Variants in CCDC13 observed in about 807,000 individuals in gnomAD.
CCDC13 encodes coiled-coil domain-containing protein 13.
In CCDC13, 70 loss-of-function variants were observed where a neutral mutation model predicts 87.3. That is an observed-to-expected ratio of 0.80 (90% CI 0.66 to 0.98). The LOEUF (loss-of-function observed/expected upper bound fraction) is 0.98, where lower values mean the gene tolerates loss of function less well. Ranked by LOEUF, CCDC13 falls within the 50% of genes least tolerant of loss-of-function variation. The pLI, the probability that CCDC13 is intolerant of heterozygous loss-of-function variation, is 0.00. For missense variants in CCDC13, 842 were observed against 892.0 expected (o/e 0.94, Z 0.71); for synonymous variants, 317 against 360.3 (o/e 0.88, Z 1.36).
intron 12 of CCDC13, among the ~76,000 whole-genome samples, chr3:42,731,999 G>A (rs916338360): frequency 6.6e-6 from 1 of 152,196 alleles, no homozygotes; most frequent in Non-Finnish European, 1.5e-5. Context: ...GCTCGAAGGG[G>A]TCATCTTGTC....
chr3:42,771,318 G>C (rs959206913), intron 1 of CCDC13, among the ~76,000 whole-genome samples: 9 of 152,338 alleles, frequency 5.9e-5, no homozygotes, highest in Middle Eastern at 3.4e-3. Flanking sequence ...AAAAATATCA[G>C]TGGTTTCCAG....
intron 13 of CCDC13, among the ~76,000 whole-genome samples, chr3:42,715,665 C>T (rs1208365514): frequency 1.3e-5 from 2 of 152,120 alleles, no homozygotes; most frequent in Admixed American, 6.5e-5. Context: ...AATTCATTTC[C>T]TCAGTCACAC....
At chr3:42,754,142 A>G (rs1699652998) in intron 3 of CCDC13, among the ~76,000 whole-genome samples, 1 of 152,190 alleles carries the variant, frequency 6.6e-6, no homozygotes, top group South Asian at 2.1e-4. Flanking sequence ...GCTTTTTAAC[A>G]TGACCATCAT....
chr3:42,714,447 A>G (rs956657021), intron 13 of CCDC13, among the ~76,000 whole-genome samples: 2 of 152,350 alleles, frequency 1.3e-5, no homozygotes, highest in South Asian at 4.1e-4. Context: ...GTTAGTGATT[A>G]TCTTAAGCTT....
intron 1 of CCDC13, among the ~76,000 whole-genome samples, chr3:42,761,645 AAC>A (rs953632749): frequency 6.6e-6 from 1 of 152,188 alleles, no homozygotes; most frequent in Non-Finnish European, 1.5e-5. Context: ...AGTTTCTCTA[AAC>A]CACAGCTCTG....
At chr3:42,720,221 G>A (rs141253113) in intron 13 of CCDC13, among the ~76,000 whole-genome samples, 81 of 152,248 alleles carry the variant, frequency 5.3e-4, no homozygotes, top group African/African-American at 1.8e-3. Flanking sequence ...ATGTTGTATG[G>A]TAAATTCTCG....
chr3:42,754,730 C>G (rs1699668812), intron 3 of CCDC13, among the ~76,000 whole-genome samples: 1 of 152,156 alleles, frequency 6.6e-6, no homozygotes, highest in African/African-American at 2.4e-5. Flanking sequence ...CAAATCAGCA[C>G]AAATTCTGGA....
intron 1 of CCDC13, among the ~76,000 whole-genome samples, chr3:42,765,441 C>T (rs339667): frequency 0.48 from 73,105 of 151,940 alleles, 18,194 homozygotes; most frequent in East Asian, 0.81. Context: ...GTTTCACTCT[C>T]GTTGCCCAGG....
chr3:42,761,709 A>G (rs1237779386), intron 1 of CCDC13, among the ~76,000 whole-genome samples: 1 of 152,180 alleles, frequency 6.6e-6, no homozygotes, highest in East Asian at 1.9e-4. Flanking sequence ...CTTAGCCACA[A>G]AGCCAAGTCC....
At chr3:42,762,700 T>C (rs1220359448) in intron 1 of CCDC13, among the ~76,000 whole-genome samples, 1 of 152,204 alleles carries the variant, frequency 6.6e-6, no homozygotes, top group Non-Finnish European at 1.5e-5. Context: ...CCTATGTGTC[T>C]CTTTGCTGAT....
At chr3:42,738,266 C>A (rs1699095166) in intron 9 of CCDC13, among the ~76,000 whole-genome samples, 1 of 152,134 alleles carries the variant, frequency 6.6e-6, no homozygotes, top group South Asian at 2.1e-4. Context: ...TTCCATTGGT[C>A]TATATATCTG....
chr3:42,757,061 G>T lies in CCDC13; in HGVS notation c.370+5C>A, dbSNP rs1458409594. On this transcript the variant is annotated splice_donor_5th_base_variant and intron_variant, in intron 3 of 15. Transcript: ENST00000310232. Reference sequence around the variant, plus strand: ...CAAGGACTATCACAACAATGGTGGAGCTACCTGTGAAGGCAAATCTGTCCT... The same window carrying T: ...CAAGGACTATCACAACAATGGTGGATCTACCTGTGAAGGCAAATCTGTCCT... The T allele has an allele frequency of 2.5e-6, 4 of 1,613,024 alleles. No individual in the cohort carries two copies. Among genetic ancestry groups the T allele is most frequent in the Admixed American group, 3.3e-5 (2 of 59,918 alleles).
chr3:42,741,373 C>A (rs1423404522), intron 8 of CCDC13, among the ~76,000 whole-genome samples: 3 of 152,134 alleles, frequency 2.0e-5, no homozygotes, highest in Non-Finnish European at 4.4e-5. Flanking sequence ...TCTTCCAACC[C>A]ATTCCTCCTC....
rs2125863993 is a variant in CCDC13 at position 42,706,204 on chromosome 3, G to C, written c.*2776C>G. On this transcript the variant is annotated 3_prime_UTR_variant, in exon 16 of 16. Coordinates refer to ENST00000310232, the MANE Select transcript of CCDC13 (RefSeq NM_144719.4). ...GGTGGCCGACTGGCTGGATGGAATG[G>C]TGACCTGTGACCAGTCTGTCTCTCT... 6.6e-6 allele frequency: 1 copy of C among 152,506 alleles called. No homozygotes were observed. Among genetic ancestry groups the C allele is most frequent in the South Asian group, 2.1e-4 (1 of 4,832 alleles). The allele number at this position is 152,506 out of a possible 1,614,324, so 9.4% of individuals were successfully genotyped here.
chr3:42,751,363 A>G (rs1477879762), intron 5 of CCDC13, among the ~76,000 whole-genome samples: 1 of 152,196 alleles, frequency 6.6e-6, no homozygotes, highest in East Asian at 1.9e-4. Context: ...CTTGAGTTTC[A>G]TGAACTGTCA....
intron 1 of CCDC13, among the ~76,000 whole-genome samples, chr3:42,762,157 G>C (rs570206769): frequency 1.3e-5 from 2 of 152,338 alleles, no homozygotes; most frequent in South Asian, 4.1e-4. Flanking sequence ...TGCCCAGCTG[G>C]TTTTAATGTG....
At chr3:42,730,832 G>C (rs1258259473) in intron 12 of CCDC13, among the ~76,000 whole-genome samples, 1 of 152,120 alleles carries the variant, frequency 6.6e-6, no homozygotes, top group Non-Finnish European at 1.5e-5. Context: ...TGGTACCTCT[G>C]TCCATCCAAG....
chr3:42,713,435 T>C (rs1698360511), intron 13 of CCDC13, 119 bp from the exon 14 acceptor site: 1 of 918,530 alleles, frequency 1.1e-6, no homozygotes, highest in African/African-American at 1.7e-5. Flanking sequence ...TGGGACCTCT[T>C]CATTTTCATT....
intron 1 of CCDC13, among the ~76,000 whole-genome samples, chr3:42,759,618 C>T (rs2125910854): frequency 6.6e-6 from 1 of 152,282 alleles, no homozygotes; most frequent in Middle Eastern, 3.4e-3. Flanking sequence ...TCATTGCACA[C>T]ATTATAAGCT....
Sources: gnomAD v4.1 joint callset for allele counts (sites outside exome capture counted in the v4.1 genomes callset) on GRCh38, gnomAD v4.1.1 for gene constraint, MANE v1.5 for transcripts, NCBI Gene and HGNC (gene_info 2026-07-23, HGNC 2026-07-21) for gene names.